Variants in NHSL1 observed in about 807,000 individuals in gnomAD.
NHSL1 encodes the protein NHS like 1.
NHSL1 carries 48 observed loss-of-function variants against 95.0 expected under a neutral mutation model. The observed-to-expected ratio is 0.51, with a 90% CI of 0.40 to 0.64. NHSL1 has a LOEUF of 0.64. NHSL1 is among the 30% of genes least tolerant of loss of function. The pLI is 0.00. For missense variants in NHSL1, 1,971 were observed against 2,077.7 expected, an observed-to-expected ratio of 0.95 and a Z score of 1.00; for synonymous variants, 783 against 833.9, an observed-to-expected ratio of 0.94 and a Z score of 1.05.
intron 7 of NHSL1, 74 bp downstream of exon 7, chr6:138,429,637 A>G: frequency 7.5e-7 from 1 of 1,338,902 alleles, no homozygotes; most frequent in Non-Finnish European, 1.0e-6. Context: ...CAAGGAAGAA[A>G]AGTAAATTGA....
chr6:138,549,841 A>C (rs1432145841), upstream of NHSL1, among the ~76,000 whole-genome samples: 6 of 152,208 alleles, frequency 3.9e-5, no homozygotes, highest in East Asian at 9.6e-4. Context: ...TAAATTGCTG[A>C]AATTATAGGT....
chr6:138,492,213 T>C (rs890687739), intron 2 of NHSL1, among the ~76,000 whole-genome samples: 1 of 152,194 alleles, frequency 6.6e-6, no homozygotes, highest in Admixed American at 6.5e-5. Context: ...TCCTCTCTCA[T>C]GTGGGGATGG....
intron 2 of NHSL1, among the ~76,000 whole-genome samples, chr6:138,487,475 C>T (rs903179258): frequency 3.9e-5 from 6 of 152,208 alleles, no homozygotes; most frequent in Non-Finnish European, 8.8e-5. Context: ...GCTTCACTTG[C>T]AGTATGCACT....
intron 1 of NHSL1, among the ~76,000 whole-genome samples, chr6:138,615,769 C>T (rs1380972404): frequency 6.6e-6 from 1 of 152,240 alleles, no homozygotes; most frequent in East Asian, 1.9e-4. Context: ...CAGCACCTGT[C>T]CCAAATCAGG....
In NHSL1 at chr6:138,658,679, A is replaced by T. The variant is rs78779930; in HGVS notation, c.96+33797T>A. ...GTGCAGGTATCTCTTTGATGTGGTGATTTTTTTCATTTCCTTTGGATATAT... is the reference window on the plus strand; with the variant it reads ...GTGCAGGTATCTCTTTGATGTGGTGTTTTTTTTCATTTCCTTTGGATATAT... On this transcript the variant is annotated intron_variant, in intron 1 of 3. Transcript: ENST00000491526. Among the ~76,000 whole-genome samples the T allele has an allele frequency of 4.4e-3, 676 of 152,162 alleles. 13 individuals carry two copies. The East Asian group carries it at 0.074, about 17-fold the overall frequency.
chr6:138,457,638 T>C (rs1777704407), intron 3 of NHSL1, among the ~76,000 whole-genome samples: 1 of 152,202 alleles, frequency 6.6e-6, no homozygotes, highest in Non-Finnish European at 1.5e-5. Context: ...TTCTTCCATA[T>C]AGTCACTGCT....
chr6:138,538,857 C>T (rs1364638048), intron 1 of NHSL1, among the ~76,000 whole-genome samples: 1 of 152,172 alleles, frequency 6.6e-6, no homozygotes, highest in African/African-American at 2.4e-5. Context: ...CTAAAGCTCA[C>T]TTTATGCTAT....
At chr6:138,427,278 A>G (rs1163866580) in intron 7 of NHSL1, among the ~76,000 whole-genome samples, 3 of 152,204 alleles carry the variant, frequency 2.0e-5, no homozygotes, top group Non-Finnish European at 4.4e-5. Context: ...TGTCTGTACT[A>G]CAAATACGAA....
intron 1 of NHSL1, among the ~76,000 whole-genome samples, chr6:138,541,341 T>C (rs1283655290): frequency 6.6e-6 from 1 of 152,174 alleles, no homozygotes; most frequent in Non-Finnish European, 1.5e-5. Flanking sequence ...CACTCCAGCC[T>C]GGGCAACAGA....
intron 1 of NHSL1, among the ~76,000 whole-genome samples, chr6:138,565,844 G>T (rs1022477269): frequency 6.6e-6 from 1 of 151,938 alleles, no homozygotes; most frequent in African/African-American, 2.4e-5. Context: ...TCAGGAGGCT[G>T]AGCGGGGAGG....
rs187736262 is a variant in NHSL1 at position 138,570,830 on chromosome 6, G to A, written c.202+880C>T. Among the ~76,000 whole-genome samples, 747 of 152,274 alleles carry A rather than the reference G, an allele frequency of 4.9e-3. 7 individuals carry two copies. The highest frequency in any genetic ancestry group is 0.015 in the African/African-American group (622 of 41,578). On this transcript the variant is annotated intron_variant, in intron 1 of 6. Transcript: ENST00000427025. Reference sequence around the variant, plus strand: ...TGATAAACATGGAAAACACAATCACGCGGAAGGTCTGGACTTGATTCCTTT... The same window carrying A: ...TGATAAACATGGAAAACACAATCACACGGAAGGTCTGGACTTGATTCCTTT...
chr6:138,533,056 G>A (rs1255412829), intron 1 of NHSL1, among the ~76,000 whole-genome samples: 1 of 152,134 alleles, frequency 6.6e-6, no homozygotes, highest in African/African-American at 2.4e-5. Flanking sequence ...TTGGGGTCTT[G>A]AGTAATAATC....
chr6:138,610,022 C>G (rs1017849665), intron 1 of NHSL1, among the ~76,000 whole-genome samples: 1 of 152,046 alleles, frequency 6.6e-6, no homozygotes, highest in Non-Finnish European at 1.5e-5. Context: ...TGAGGGTTTA[C>G]AGGAAATTCT....
chr6:138,486,234 C>T (rs1779721688), intron 2 of NHSL1, among the ~76,000 whole-genome samples: 1 of 152,112 alleles, frequency 6.6e-6, no homozygotes, highest in Admixed American at 6.6e-5. Flanking sequence ...TCAGCTGTAC[C>T]GTGCCACCAC....
intron 2 of NHSL1, among the ~76,000 whole-genome samples, chr6:138,476,936 T>C (rs1175927138): frequency 7.3e-6 from 1 of 136,138 alleles, no homozygotes. Flanking sequence ...GTAACAAACC[T>C]GCACATATAC....
intron 1 of NHSL1, among the ~76,000 whole-genome samples, chr6:138,598,261 C>T (rs1784326431): frequency 6.6e-6 from 1 of 152,062 alleles, no homozygotes; most frequent in Admixed American, 6.5e-5. Context: ...GAGTTCAAGA[C>T]CCGTCAGGCC....
At position 138,664,141 on chromosome 6, in the gene NHSL1, G is replaced by A. The variant is rs562433148; in HGVS notation, c.96+28335C>T. ...TCACCACAATAAATTTCACACCTGC[G>A]TTCCAGGGGAAGATCCAGAAGATAT... On this transcript the variant is annotated intron_variant, in intron 1 of 3. Transcript: ENST00000491526. Among the ~76,000 whole-genome samples, 11 of 152,310 alleles carry A rather than the reference G, an allele frequency of 7.2e-5. No individual in the cohort carries two copies. The South Asian group carries it at 2.1e-3, about 29-fold the overall frequency.
chr6:138,691,088 C>T (rs1785660350), intron 1 of NHSL1, among the ~76,000 whole-genome samples: 1 of 152,212 alleles, frequency 6.6e-6, no homozygotes, highest in South Asian at 2.1e-4. Context: ...ATAGAAGCAA[C>T]TCGTGATTGC....
chr6:138,692,630 C>T, upstream of NHSL1: 1 of 171,806 alleles, frequency 5.8e-6, no homozygotes. The surrounding 1 kb of genome is among the most constrained non-coding windows in gnomAD (Gnocchi z 4.0). Flanking sequence ...CGGCCAGCTG[C>T]GCCAGCAGGC....
Sources: allele counts gnomAD v4.1 joint callset (sites outside exome capture counted in the v4.1 genomes callset), GRCh38; gene constraint gnomAD v4.1.1; non-coding constraint Gnocchi (gnomAD v3.1); transcripts MANE v1.5; gene names NCBI Gene and HGNC (gene_info 2026-07-23, HGNC 2026-07-21).